Variants in FAM168A observed in about 807,000 individuals in gnomAD.
FAM168A encodes protein FAM168A.
A neutral mutation model predicts 28.5 loss-of-function variants in FAM168A; 3 were observed. That is an observed-to-expected ratio of 0.11 (90% CI 0.05 to 0.27). The LOEUF (loss-of-function observed/expected upper bound fraction) is 0.27. Ranked by LOEUF, FAM168A falls within the 10% of genes least tolerant of loss-of-function variation. FAM168A has a pLI of 1.00. For missense variants in FAM168A, 222 were observed against 311.5 expected (o/e 0.71, Z 2.16); for synonymous variants, 122 against 124.2 (o/e 0.98, Z 0.12).
At position 73,404,269 on chromosome 11, in the gene FAM168A, A is replaced by G. The variant is rs7114009; in HGVS notation, c.*2494T>C. 35,888 of 152,080 alleles carry G rather than the reference A, an allele frequency of 0.24. 7,213 individuals carry two copies. The highest frequency in any genetic ancestry group is 0.55 in the African/African-American group (22,920 of 41,432). 9.4% of individuals were successfully genotyped at this position (152,080 alleles called of 1,614,324 possible). A position where few individuals can be genotyped will look rare whatever the true frequency, so the allele number is the denominator to read the frequency against. On this transcript the variant is annotated 3_prime_UTR_variant, in exon 8 of 8. Transcript: ENST00000356467. ...GAGGCAGCAGGGTTCTGGGAAGCCT[A>G]GCGGATACCAGCATGCTGCTCACTG...
intron 1 of FAM168A, among the ~76,000 whole-genome samples, chr11:73,513,205 A>ATTTTTTT (rs1046600591): frequency 3.7e-5 from 4 of 109,374 alleles, no homozygotes; most frequent in African/African-American, 7.7e-5. Flanking sequence ...TTTTTTTTTA[A>ATTTTTTT]TTTTTTTTTT....
At chr11:73,520,098 T>G (rs1026643946) in intron 1 of FAM168A, among the ~76,000 whole-genome samples, 6 of 151,990 alleles carry the variant, frequency 3.9e-5, no homozygotes, top group Non-Finnish European at 8.8e-5. Context: ...CAGGCTGGAG[T>G]GCAGTGGCAC....
chr11:73,568,050 A>T (rs933645482), intron 1 of FAM168A, among the ~76,000 whole-genome samples: 1 of 152,230 alleles, frequency 6.6e-6, no homozygotes, highest in Non-Finnish European at 1.5e-5. Context: ...AAGGAAACTG[A>T]GCAAGACAAA....
chr11:73,434,282 G>A (rs770782011), intron 2 of FAM168A, among the ~76,000 whole-genome samples: 2 of 152,136 alleles, frequency 1.3e-5, no homozygotes, highest in African/African-American at 2.4e-5. Flanking sequence ...CTAAGAGGGT[G>A]GGAGAAGGCA....
At chr11:73,546,514 C>T (rs775710226) in intron 1 of FAM168A, among the ~76,000 whole-genome samples, 13 of 152,240 alleles carry the variant, frequency 8.5e-5, no homozygotes, top group Non-Finnish European at 1.8e-4. Flanking sequence ...AGACAGATGA[C>T]CTGAGGTCAG....
At chr11:73,470,875 A>G (rs1257120261) in intron 1 of FAM168A, among the ~76,000 whole-genome samples, 3 of 152,230 alleles carry the variant, frequency 2.0e-5, no homozygotes, top group African/African-American at 7.2e-5. Flanking sequence ...CTGATTGGAC[A>G]AAGTACAAAA....
At chr11:73,407,934 C>T (rs1477461146) in intron 6 of FAM168A, among the ~76,000 whole-genome samples, 4 of 152,334 alleles carry the variant, frequency 2.6e-5, no homozygotes, top group South Asian at 2.1e-4. Context: ...TGCAATGGCG[C>T]GATCTCAGCT....
intron 2 of FAM168A, among the ~76,000 whole-genome samples, chr11:73,442,143 T>TTTTTTG (rs1867207439): frequency 7.0e-6 from 1 of 142,760 alleles, no homozygotes. Context: ...TTTTTTTTTT[T>TTTTTTG]GAGACGGAGT....
chr11:73,439,532 T>C (rs1184640988), intron 2 of FAM168A, among the ~76,000 whole-genome samples: 1 of 152,184 alleles, frequency 6.6e-6, no homozygotes, highest in African/African-American at 2.4e-5. Flanking sequence ...TAGACGCTAG[T>C]AATATAACTG....
At chr11:73,425,815 G>A (rs1340716489) in intron 3 of FAM168A, among the ~76,000 whole-genome samples, 2 of 152,192 alleles carry the variant, frequency 1.3e-5, no homozygotes, top group African/African-American at 4.8e-5. Flanking sequence ...TTGACCTTTG[G>A]CCTCAAGGGA....
At chr11:73,569,454 G>T (rs1944060204) in intron 1 of FAM168A, among the ~76,000 whole-genome samples, 1 of 152,098 alleles carries the variant, frequency 6.6e-6, no homozygotes, top group Non-Finnish European at 1.5e-5. Flanking sequence ...GATTTTTAGG[G>T]TTACCTCTTA....
intron 2 of FAM168A, among the ~76,000 whole-genome samples, chr11:73,456,738 T>C (rs1221277493): frequency 6.6e-6 from 1 of 152,252 alleles, no homozygotes; most frequent in African/African-American, 2.4e-5. Flanking sequence ...AGTAACTATT[T>C]TGGAATTCCA....
At chr11:73,490,359 G>A (rs1018139115) in intron 1 of FAM168A, among the ~76,000 whole-genome samples, 1 of 152,118 alleles carries the variant, frequency 6.6e-6, no homozygotes, top group African/African-American at 2.4e-5. Context: ...GTGGCTCTCT[G>A]AAAACATAAG....
At position 73,430,765 on chromosome 11, in the gene FAM168A, G is replaced by A. The variant is rs1565241083; in HGVS notation, c.76C>T (p.Pro26Ser). The A allele has an allele frequency of 6.2e-7, 1 of 1,610,440 alleles. No homozygotes were observed. The highest frequency in any genetic ancestry group is 8.5e-7 in the Non-Finnish European group (1 of 1,178,330). ...NPKNMAYTGY[P>S]TAYPAAAPAY... is the part of the protein sequence containing the mutation. The stretch of plus-strand genomic sequence containing the variant: ...GGGGCAGCTGCTGGATAGGCTGTGG[G>A]GTAACCTACAGAGAGATAAGAAAAG... The change falls in exon 3 of 8, where the codon CCC becomes TCC. Residue 26 changes from proline (P) to serine (S), a missense_variant. Transcript: ENST00000356467.
chr11:73,466,066 A>G (rs1867730963), intron 2 of FAM168A, among the ~76,000 whole-genome samples: 2 of 152,194 alleles, frequency 1.3e-5, no homozygotes, highest in Non-Finnish European at 2.9e-5. Context: ...TCCCATCTTC[A>G]GACTTCAAGA....
intron 1 of FAM168A, among the ~76,000 whole-genome samples, chr11:73,595,863 T>G (rs1846431054): frequency 6.6e-6 from 1 of 152,236 alleles, no homozygotes; most frequent in Admixed American, 6.5e-5. Context: ...AGAAATACAG[T>G]CCAATTATTC....
chr11:73,492,048 C>T (rs535540694), intron 1 of FAM168A, among the ~76,000 whole-genome samples: 1 of 152,296 alleles, frequency 6.6e-6, no homozygotes, highest in South Asian at 2.1e-4. Flanking sequence ...TCCATAGTCT[C>T]CATGGAGAGT....
At position 73,407,647 on chromosome 11, in the gene FAM168A, A is replaced by G; in HGVS notation, c.596-4T>C. The G allele has an allele frequency of 6.2e-7, 1 of 1,608,884 alleles. No individual in the cohort carries two copies. The highest frequency in any genetic ancestry group is 8.5e-7 in the Non-Finnish European group (1 of 1,177,550). On this transcript the variant is annotated splice_polypyrimidine_tract_variant and splice_region_variant and intron_variant, in intron 6 of 7. Coordinates refer to ENST00000356467, the MANE Select transcript of FAM168A (RefSeq NM_015159.3). ...TGGGGTGTAGTCAGCAGGGTACCTG[A>G]GCATCCAGAGAGAGAAGAGTAACCT...
At chr11:73,452,080 G>C (rs1320879917) in intron 2 of FAM168A, 2 of 152,316 alleles carry the variant, frequency 1.3e-5, no homozygotes, top group African/African-American at 4.8e-5. Context: ...GCCCAGGCTG[G>C]GGTGTTGGAA....
Sources: allele counts gnomAD v4.1 joint callset (sites outside exome capture counted in the v4.1 genomes callset), GRCh38; gene constraint gnomAD v4.1.1; transcripts MANE v1.5; gene names NCBI Gene and HGNC (gene_info 2026-07-23, HGNC 2026-07-21).